C2orf92: variants seen among roughly 807,000 people sequenced by gnomAD.
The protein encoded by C2orf92 is uncharacterized protein C2orf92.
At chr2:97,700,542 G>T (rs1430090034) in intron 6 of C2orf92, among the ~76,000 whole-genome samples, 1 of 152,014 alleles carries the variant, frequency 6.6e-6, no homozygotes, top group East Asian at 1.9e-4. Flanking sequence ...CAAATTGTCT[G>T]TGGAACTTTC....
chr2:97,697,370 C>T (rs1263845488), intron 5 of C2orf92: 1 of 152,180 alleles, frequency 6.6e-6, no homozygotes, highest in Non-Finnish European at 1.5e-5. Context: ...GGCAGTGGCT[C>T]TTGCCTCTGG....
intron 5 of C2orf92, among the ~76,000 whole-genome samples, chr2:97,694,972 G>A (rs773599118): frequency 1.3e-5 from 2 of 152,160 alleles, no homozygotes; most frequent in Non-Finnish European, 2.9e-5. Flanking sequence ...ATCTATTCAA[G>A]TTCTTTGCCC....
chr2:97,699,978 G>T (rs1469514728), intron 6 of C2orf92, among the ~76,000 whole-genome samples: 1 of 152,224 alleles, frequency 6.6e-6, no homozygotes, highest in Non-Finnish European at 1.5e-5. Flanking sequence ...TCAGCACTCT[G>T]CTGTCTACAT....
chr2:97,681,803 A>G (rs1265301836), intron 3 of C2orf92, among the ~76,000 whole-genome samples: 3 of 152,030 alleles, frequency 2.0e-5, no homozygotes, highest in Admixed American at 6.6e-5. Flanking sequence ...GCTTGCAGTG[A>G]GCCGAGATGG....
intron 1 of C2orf92, among the ~76,000 whole-genome samples, chr2:97,673,007 G>A (rs1675463618): frequency 1.3e-5 from 2 of 152,188 alleles, no homozygotes; most frequent in African/African-American, 2.4e-5. Context: ...ACTTAAAAGG[G>A]AAGGAGAACT....
chr2:97,682,323 A>C (rs958283437), intron 3 of C2orf92, among the ~76,000 whole-genome samples: 8 of 152,224 alleles, frequency 5.3e-5, no homozygotes, highest in Non-Finnish European at 1.2e-4. Flanking sequence ...CAGTAATCAA[A>C]ATTTTCCAAC....
chr2:97,673,106 G>T (rs1443204619), intron 1 of C2orf92, among the ~76,000 whole-genome samples: 1 of 152,142 alleles, frequency 6.6e-6, no homozygotes, highest in African/African-American at 2.4e-5. Context: ...ATTCTGCTTT[G>T]TTTCTGCCCC....
chr2:97,678,378 G>C (rs1184820670), intron 3 of C2orf92, among the ~76,000 whole-genome samples: 1 of 151,858 alleles, frequency 6.6e-6, no homozygotes, highest in African/African-American at 2.4e-5. Flanking sequence ...GAAAGACAGA[G>C]AGATATGAAG....
At chr2:97,690,707 G>T (rs1454601879) in intron 5 of C2orf92, among the ~76,000 whole-genome samples, 1 of 149,642 alleles carries the variant, frequency 6.7e-6, no homozygotes, top group Non-Finnish European at 1.5e-5. Context: ...CCTGACCTGA[G>T]TTCAGAGCTG....
intron 3 of C2orf92, among the ~76,000 whole-genome samples, chr2:97,688,396 A>G (rs951688530): frequency 6.6e-6 from 1 of 152,218 alleles, no homozygotes; most frequent in Non-Finnish European, 1.5e-5. Context: ...GCTTCTTCCC[A>G]GGGAAGCCAG....
chr2:97,688,693 C>G (rs1320303045), intron 3 of C2orf92, among the ~76,000 whole-genome samples: 1 of 152,166 alleles, frequency 6.6e-6, no homozygotes, highest in Non-Finnish European at 1.5e-5. Context: ...CAGGATGTCT[C>G]AGACATCACA....
rs565269436 is a variant in C2orf92, at chr2:97,692,203, T to C, written c.403+1876T>C. Among the ~76,000 whole-genome samples the C allele has an allele frequency of 2.1e-3, 315 of 152,300 alleles. 11 individuals carry two copies. In the South Asian group the frequency reaches 0.064, roughly 31 times the overall value. The stretch of plus-strand genomic sequence containing the variant: ...ACTGTGTGTTAAAGTTTTCCTTACA[T>C]AGATTTTTACATGTATCTTCTTAAG... On this transcript the variant is annotated intron_variant, in intron 5 of 7. Transcript: ENST00000627399.
At chr2:97,682,859 A>G (rs910847814) in intron 3 of C2orf92, among the ~76,000 whole-genome samples, 2 of 152,154 alleles carry the variant, frequency 1.3e-5, no homozygotes, top group African/African-American at 2.4e-5. Flanking sequence ...CATGGATGAT[A>G]TCGTGCTCAA....
At chr2:97,671,548 G>A (rs1675411364) in intron 1 of C2orf92, 1 of 398,518 alleles carries the variant, frequency 2.5e-6, no homozygotes, top group Non-Finnish European at 4.4e-6. Context: ...TTGAAGAGTT[G>A]CGTGCATGGT....
chr2:97,694,139 C>T (rs146241530), intron 5 of C2orf92, among the ~76,000 whole-genome samples: 2,755 of 152,256 alleles, frequency 0.018, 35 homozygotes, highest in Middle Eastern at 0.054. Context: ...AAATATCTCA[C>T]GTAAGTGCAA....
intron 2 of C2orf92, 95 bp from the exon 3 acceptor site, chr2:97,675,750 A>C: frequency 2.5e-6 from 1 of 398,442 alleles, no homozygotes; most frequent in Non-Finnish European, 4.4e-6. Flanking sequence ...CATGATGCTC[A>C]CCTCAAAATC....
At chr2:97,669,693 G>A (rs570046461), upstream of C2orf92, 260 of 397,434 alleles carry the variant, frequency 6.5e-4, no homozygotes, top group Non-Finnish European at 9.5e-4. Context: ...TTCATAGACC[G>A]TTAGGTTCCG....
Position 97,703,061 on chromosome 2 carries a change from C to A in C2orf92, c.*260C>A. Reference sequence around the variant, plus strand: ...TTAATAAAGCATTGATTCATTTTTTCAGTCATTCATTGAACAGATATTAAT... The same window carrying A: ...TTAATAAAGCATTGATTCATTTTTTAAGTCATTCATTGAACAGATATTAAT... On this transcript the variant is annotated 3_prime_UTR_variant, in exon 8 of 8. Transcript: ENST00000627399. The A allele has an allele frequency of 3.2e-6, 1 of 311,486 alleles. No homozygotes were observed. Among genetic ancestry groups the A allele is most frequent in the Non-Finnish European group, 5.8e-6 (1 of 172,158 alleles). 19.3% of individuals were successfully genotyped at this position (311,486 alleles called of 1,614,324 possible). A position where few individuals can be genotyped will look rare whatever the true frequency, so the allele number is the denominator to read the frequency against.
At chr2:97,666,679 C>CA (rs1675240896), upstream of C2orf92, among the ~76,000 whole-genome samples, 3 of 151,440 alleles carry the variant, frequency 2.0e-5, no homozygotes, top group Admixed American at 1.3e-4. Flanking sequence ...CCTGTCTCTA[C>CA]AAAAAATACA....
Sources: allele counts gnomAD v4.1 joint callset (sites outside exome capture counted in the v4.1 genomes callset), GRCh38; gene constraint gnomAD v4.1.1; transcripts MANE v1.5; gene names NCBI Gene and HGNC (gene_info 2026-07-23, HGNC 2026-07-21).